Variants in CEP57L1 observed in about 807,000 individuals in gnomAD.
CEP57L1 encodes centrosomal protein CEP57L1.
CEP57L1 carries 37 observed loss-of-function variants against 61.0 expected under a neutral mutation model. That is an observed-to-expected ratio of 0.61 (90% CI 0.47 to 0.80). CEP57L1 has a LOEUF of 0.80. Ranked by LOEUF, CEP57L1 falls within the 30% of genes least tolerant of loss-of-function variation. The probability of loss-of-function intolerance (pLI) is 0.00; values close to 1 mark genes in which losing one functional copy is unlikely to be tolerated. For missense variants in CEP57L1, 422 were observed against 524.7 expected, an observed-to-expected ratio of 0.80 and a Z score of 1.91; for synonymous variants, 137 against 162.3, an observed-to-expected ratio of 0.84 and a Z score of 1.19.
At chr6:109,135,661 C>T (rs1314030446) in intron 1 of CEP57L1, among the ~76,000 whole-genome samples, 1 of 152,040 alleles carries the variant, frequency 6.6e-6, no homozygotes, top group African/African-American at 2.4e-5. Context: ...TTGCAATCTA[C>T]TCATCTGACA....
chr6:109,112,539 C>T (rs1771785648), intron 1 of CEP57L1, among the ~76,000 whole-genome samples: 1 of 151,680 alleles, frequency 6.6e-6, no homozygotes, highest in South Asian at 2.1e-4. Context: ...TTATTTATTT[C>T]TTGTCTTCTG....
At chr6:109,120,801 A>C (rs186925595) in intron 1 of CEP57L1, among the ~76,000 whole-genome samples, 14 of 152,204 alleles carry the variant, frequency 9.2e-5, no homozygotes, top group Non-Finnish European at 2.1e-4. Context: ...TCACTATGAA[A>C]CCATTATTCC....
chr6:109,157,215 A>C (rs1247323695), intron 7 of CEP57L1: 2 of 152,166 alleles, frequency 1.3e-5, no homozygotes, highest in Non-Finnish European at 2.9e-5. Context: ...TATGCAAATA[A>C]TGATGTCTCT....
chr6:109,154,719 TG>T (rs1351197665), intron 5 of CEP57L1, among the ~76,000 whole-genome samples: 1 of 152,158 alleles, frequency 6.6e-6, no homozygotes, highest in African/African-American at 2.4e-5. Context: ...AAAATATCTC[TG>T]GTTCCAAACA....
intron 1 of CEP57L1, among the ~76,000 whole-genome samples, chr6:109,138,786 A>G (rs1406118685): frequency 6.6e-6 from 1 of 152,220 alleles, no homozygotes; most frequent in Non-Finnish European, 1.5e-5. Context: ...TGCATACAAT[A>G]GTCCCCCCTT....
At position 109,101,616 on chromosome 6, in the gene CEP57L1, C is replaced by CTT. The variant is rs199499971; in HGVS notation, c.-4+6046_-4+6047dup. On this transcript the variant is annotated intron_variant, in intron 1 of 10. Transcript: ENST00000517392. ...GAAACTCACAGCTGTTTTTCTTTTT[C>CTT]TTTTTTCTTTTTTTTTTTTTTTGAG... Among the ~76,000 whole-genome samples the CTT allele has an allele frequency of 1.2e-3, 149 of 126,522 alleles. 5 individuals are homozygous for CTT. Among genetic ancestry groups the CTT allele is most frequent in the African/African-American group, 3.6e-3 (131 of 36,172 alleles). 83.0% of individuals were successfully genotyped at this position (126,522 alleles called of 152,430 possible).
At chr6:109,126,697 A>G (rs919044868) in intron 1 of CEP57L1, among the ~76,000 whole-genome samples, 1 of 152,192 alleles carries the variant, frequency 6.6e-6, no homozygotes, top group African/African-American at 2.4e-5. Flanking sequence ...GAGAAATCTA[A>G]TTATTAGTAT....
At chr6:109,142,903 CTG>C (rs1362934505) in intron 1 of CEP57L1, among the ~76,000 whole-genome samples, 6 of 151,828 alleles carry the variant, frequency 4.0e-5, no homozygotes, top group Non-Finnish European at 8.8e-5. Flanking sequence ...CTCTGTTTCT[CTG>C]TTGCTCTCTC....
At chr6:109,100,690 A>AG (rs1554270866) in intron 1 of CEP57L1, among the ~76,000 whole-genome samples, 9 of 149,040 alleles carry the variant, frequency 6.0e-5, no homozygotes, top group South Asian at 2.1e-4. Flanking sequence ...AAAAAAAAAA[A>AG]AAGAAGAAAG....
Position 109,150,128 on chromosome 6 carries a change from A to G in CEP57L1, c.351A>G (p.Ile117Met). The change falls in exon 4 of 11, where the codon ATA becomes ATG. Residue 117 changes from isoleucine (I) to methionine (M), a missense_variant. By Grantham distance (10) the Ile-to-Met change is conservative. Transcript: ENST00000517392. ...CCCTTTATTTCATAGATATAAGTAT[A>G]CAGTTAAGCTCAGCCCAGTCTCGTT... is the stretch of plus-strand genomic sequence containing the variant. The part of the protein sequence containing the change: ...ELIKQKKDIS[I>M]QLSSAQSRCT... 1.9e-6 allele frequency: 3 copies of G among 1,594,108 alleles called. No homozygotes were observed. The highest frequency in any genetic ancestry group is 1.7e-6 in the Non-Finnish European group (2 of 1,162,824).
chr6:109,123,159 AT>A (rs1773170479), intron 1 of CEP57L1, among the ~76,000 whole-genome samples: 2 of 152,148 alleles, frequency 1.3e-5, no homozygotes, highest in Non-Finnish European at 2.9e-5. Context: ...CTCAGTACTC[AT>A]GGCTTCAGCT....
At chr6:109,117,282 G>GA (rs1255007707) in intron 1 of CEP57L1, among the ~76,000 whole-genome samples, 1 of 152,198 alleles carries the variant, frequency 6.6e-6, no homozygotes, top group Non-Finnish European at 1.5e-5. Context: ...TATTACTTAT[G>GA]ATTGAACTTA....
chr6:109,155,635 A>G (rs1158596204), intron 6 of CEP57L1, among the ~76,000 whole-genome samples, 156 bp from the exon 7 acceptor site: 1 of 151,992 alleles, frequency 6.6e-6, no homozygotes, highest in African/African-American at 2.4e-5. Context: ...CAATAGACTT[A>G]GTGACCTTCA....
At chr6:109,149,513 T>A (rs1359168214) in intron 3 of CEP57L1, among the ~76,000 whole-genome samples, 1 of 152,198 alleles carries the variant, frequency 6.6e-6, no homozygotes, top group African/African-American at 2.4e-5. Flanking sequence ...GCTGTTTTGG[T>A]TACTGTAGCC....
At chr6:109,160,198 T>C (rs1249994108) in intron 9 of CEP57L1, among the ~76,000 whole-genome samples, 1 of 152,190 alleles carries the variant, frequency 6.6e-6, no homozygotes, top group Admixed American at 6.6e-5. Context: ...AATCCAGAAA[T>C]TTTTCAGGCA....
chr6:109,155,683 TC>T, intron 6 of CEP57L1, 107 bp from the exon 7 acceptor site: 2 of 638,842 alleles, frequency 3.1e-6, no homozygotes, highest in South Asian at 4.1e-5. Context: ...TCTTTTCTTT[TC>T]TTCTCCAAAA....
At chr6:109,155,357 T>C in intron 6 of CEP57L1, 50 bp downstream of exon 6, 1 of 995,734 alleles carries the variant, frequency 1.0e-6, no homozygotes, top group East Asian at 2.8e-5. Context: ...TATGTTTTAT[T>C]ATATTTTTAT....
chr6:109,156,130 A>C, intron 7 of CEP57L1: 1 of 298,528 alleles, frequency 3.3e-6, no homozygotes, highest in Non-Finnish European at 6.2e-6. Flanking sequence ...CCAAAGCAAA[A>C]AGGAACATAT....
intron 1 of CEP57L1, among the ~76,000 whole-genome samples, chr6:109,099,931 C>G (rs1188578144): frequency 1.3e-5 from 2 of 152,184 alleles, no homozygotes; most frequent in East Asian, 1.9e-4. Context: ...CCAGATTGTT[C>G]TAGCCTGTCT....
Sources: allele counts gnomAD v4.1 joint callset (sites outside exome capture counted in the v4.1 genomes callset), GRCh38; gene constraint gnomAD v4.1.1; transcripts MANE v1.5; gene names NCBI Gene and HGNC (gene_info 2026-07-23, HGNC 2026-07-21).